PDE2A: variants seen among roughly 807,000 people sequenced by gnomAD.
PDE2A encodes phosphodiesterase 2A, also known as cGMP-dependent 3',5'-cyclic phosphodiesterase.
Under a neutral mutation model 133.6 loss-of-function variants are expected in PDE2A, and 53 were observed. That is an observed-to-expected ratio of 0.40 (90% CI 0.32 to 0.50). The LOEUF (loss-of-function observed/expected upper bound fraction) is 0.50. Among genes scored for constraint, PDE2A ranks in the 20% least tolerant of loss-of-function variants. The probability of loss-of-function intolerance (pLI) is 0.73; values close to 1 mark genes in which losing one functional copy is unlikely to be tolerated. For synonymous variants in PDE2A, 491 were observed against 490.2 expected (o/e 1.00, Z -0.02); for missense variants, 796 against 1,232.4 (o/e 0.65, Z 5.30).
chr11:72,593,017 T>C (rs1258722852), intron 6 of PDE2A, among the ~76,000 whole-genome samples: 5 of 152,060 alleles, frequency 3.3e-5, no homozygotes, highest in Admixed American at 1.3e-4. Flanking sequence ...CTCTCAAGAA[T>C]AGAGAAGGCT....
chr11:72,617,403 G>A (rs1857527687), intron 2 of PDE2A, among the ~76,000 whole-genome samples: 1 of 152,172 alleles, frequency 6.6e-6, no homozygotes, highest in South Asian at 2.1e-4. Context: ...GCCCGGTGAT[G>A]CCTGCCCTGG....
At chr11:72,626,309 C>G (rs967228655) in intron 2 of PDE2A, among the ~76,000 whole-genome samples, 9 of 152,234 alleles carry the variant, frequency 5.9e-5, no homozygotes, top group Non-Finnish European at 1.2e-4. Flanking sequence ...GACCGCCTCC[C>G]TGGTCCCAGG....
intron 2 of PDE2A, among the ~76,000 whole-genome samples, chr11:72,634,739 A>G (rs1788264590): frequency 6.6e-6 from 1 of 152,116 alleles, no homozygotes; most frequent in South Asian, 2.1e-4. Context: ...ACAGGGGAGG[A>G]CCTGTCAGCA....
intron 4 of PDE2A, among the ~76,000 whole-genome samples, chr11:72,598,230 G>A (rs773433201): frequency 6.6e-6 from 1 of 152,190 alleles, no homozygotes; most frequent in South Asian, 2.1e-4. Flanking sequence ...CACTTGCCCA[G>A]GGTTACACAG....
In PDE2A at chr11:72,634,696, G is replaced by A. The variant is rs1178460150; in HGVS notation, c.144+7558C>T. Among the ~76,000 whole-genome samples the A allele has an allele frequency of 3.9e-5, 6 of 152,374 alleles. No individual in the cohort carries two copies. The South Asian group carries it at 8.3e-4, about 21-fold the overall frequency. ...CAGTGAAACACTGGACAATTGGGCT[G>A]GCCTTCTGCCAGGCTGGACTGTGGC... On this transcript the variant is annotated intron_variant, in intron 2 of 30. Coordinates refer to ENST00000334456, the MANE Select transcript of PDE2A (RefSeq NM_002599.5).
At chr11:72,587,179 G>A (rs1214566059) in intron 13 of PDE2A, among the ~76,000 whole-genome samples, 1 of 152,126 alleles carries the variant, frequency 6.6e-6, no homozygotes, top group Non-Finnish European at 1.5e-5. Flanking sequence ...CTTATGAAAT[G>A]GGGCCATGAC....
intron 2 of PDE2A, among the ~76,000 whole-genome samples, chr11:72,615,909 A>C (rs189098581): frequency 2.0e-5 from 3 of 152,276 alleles, no homozygotes; most frequent in African/African-American, 2.4e-5. Context: ...GTGTGCAAGC[A>C]AGGGCCAAGG....
At chr11:72,670,503 C>T (rs1002126092) in intron 1 of PDE2A, among the ~76,000 whole-genome samples, 7 of 152,220 alleles carry the variant, frequency 4.6e-5, no homozygotes, top group Admixed American at 1.3e-4. Context: ...GTACAGCCCA[C>T]TCTCATAAAA....
intron 6 of PDE2A, 53 bp from the exon 7 acceptor site, chr11:72,591,409 T>C: frequency 1.4e-6 from 2 of 1,403,338 alleles, no homozygotes; most frequent in African/African-American, 2.8e-5. Flanking sequence ...TGTCTGTCTC[T>C]GCCAGAGTGC....
intron 2 of PDE2A, chr11:72,631,116 C>T: frequency 3.9e-6 from 6 of 1,547,804 alleles, no homozygotes; most frequent in Admixed American, 2.0e-5. Flanking sequence ...GGTCCTGGCT[C>T]CTTTGCAAGG....
intron 6 of PDE2A, among the ~76,000 whole-genome samples, chr11:72,593,214 A>T (rs1248569362): frequency 6.6e-6 from 1 of 151,400 alleles, no homozygotes; most frequent in African/African-American, 2.4e-5. Flanking sequence ...GCAGTCACAG[A>T]CACAAAGACA....
chr11:72,629,836 A>G (rs1318441840), intron 2 of PDE2A, among the ~76,000 whole-genome samples: 1 of 152,202 alleles, frequency 6.6e-6, no homozygotes, highest in Admixed American at 6.5e-5. Flanking sequence ...TGAAATAGGA[A>G]TAATAGCAGC....
In PDE2A at chr11:72,643,589, T is replaced by C. The variant is rs575259478; in HGVS notation, c.72-1263A>G. 2.0e-5 allele frequency: 3 copies of C among 152,420 alleles called. No homozygotes were observed. In the East Asian group the frequency reaches 5.8e-4, roughly 29 times the overall value. 9.4% of individuals were successfully genotyped at this position (152,420 alleles called of 1,614,324 possible). The stretch of plus-strand genomic sequence containing the variant: ...CCGTCAACTGCACTGCCGGCCCCTC[T>C]CTCTGCAGCTCCCCTCCTCACCAAC... On this transcript the variant is annotated intron_variant, in intron 1 of 30. Coordinates refer to ENST00000334456, the MANE Select transcript of PDE2A (RefSeq NM_002599.5).
rs1855962875 is a variant in PDE2A, at chr11:72,586,164, T to C, written c.1088A>G (p.Glu363Gly). 1 of 1,610,524 alleles carries C rather than the reference T, an allele frequency of 6.2e-7. No individual in the cohort carries two copies. The highest frequency in any genetic ancestry group is 8.5e-7 in the Non-Finnish European group (1 of 1,177,678). The change falls in exon 14 of 31, where the codon GAG (glutamate) becomes GGG (glycine). Residue 363 changes from glutamate to glycine, a missense_variant. Physicochemically the swap from Glu to Gly is moderately conservative, Grantham distance 98. This residue lies in a region of PDE2A where 417 missense variants were observed against 475.3 expected (regional missense o/e 0.88). Coordinates refer to ENST00000334456, the MANE Select transcript of PDE2A (RefSeq NM_002599.5). ...LEGDLFTDED[E>G]HVIQHCFHYT... ...GTGGAAGCAGTGCTGGATCACATGC[T>C]CGTCCTCGTCGGTGAACCTGGAGGA...
chr11:72,588,952 C>G (rs773800409), intron 12 of PDE2A, 38 bp from the exon 13 acceptor site: 6 of 1,574,920 alleles, frequency 3.8e-6, no homozygotes, highest in Non-Finnish European at 4.3e-6. Flanking sequence ...GGAAGCAGGG[C>G]GCAGTATGCT....
At chr11:72,625,329 A>G (rs540987538) in intron 2 of PDE2A, among the ~76,000 whole-genome samples, 9 of 152,310 alleles carry the variant, frequency 5.9e-5, no homozygotes, top group East Asian at 1.9e-4. Context: ...CCCCAGCCCC[A>G]GGGTGCCCAG....
At chr11:72,651,962 C>A (rs550384524) in intron 1 of PDE2A, among the ~76,000 whole-genome samples, 2 of 152,338 alleles carry the variant, frequency 1.3e-5, no homozygotes, top group African/African-American at 4.8e-5. Context: ...GAGCCTGTTT[C>A]CTGATCTCTA....
chr11:72,665,911 CAA>C (rs34755048), intron 1 of PDE2A, among the ~76,000 whole-genome samples: 8 of 147,238 alleles, frequency 5.4e-5, no homozygotes, highest in Admixed American at 1.4e-4. Flanking sequence ...AAAACAACAA[CAA>C]AAAAAAAACA....
At position 72,590,033 on chromosome 11, in the gene PDE2A, C is replaced by A; in HGVS notation, c.757-52G>T. ...GGGTGACCGCGGATCCGGGTCACCC[C>A]ACTCCCCACCTGCTCCCCTCTCCGG... is the stretch of plus-strand genomic sequence containing the variant. On this transcript the variant is annotated intron_variant, in intron 9 of 30. Transcript: ENST00000334456. This position sits in a 1 kb window ranked among gnomAD's most constrained non-coding sequence, Gnocchi z 4.8. 1 of 1,494,816 alleles carries A rather than the reference C, an allele frequency of 6.7e-7. No homozygotes were observed. Among genetic ancestry groups the A allele is most frequent in the East Asian group, 2.4e-5 (1 of 41,830 alleles). The allele number at this position is 1,494,816 out of a possible 1,614,324, so 92.6% of individuals were successfully genotyped here.
Sources: gnomAD v4.1 joint callset for allele counts (sites outside exome capture counted in the v4.1 genomes callset) on GRCh38, gnomAD v4.1.1 for gene constraint, gnomAD v4.1.1 regional missense constraint, Gnocchi (gnomAD v3.1) non-coding constraint, MANE v1.5 for transcripts, NCBI Gene and HGNC (gene_info 2026-07-23, HGNC 2026-07-21) for gene names.